Variants in RIPOR2 observed in about 807,000 individuals in gnomAD.
RIPOR2 encodes rho family-interacting cell polarization regulator 2.
In RIPOR2, 39 loss-of-function variants were observed where a neutral mutation model predicts 114.5. The observed-to-expected ratio is 0.34, with a 90% CI of 0.26 to 0.44. RIPOR2 has a LOEUF of 0.44. Ranked by LOEUF, RIPOR2 falls within the 20% of genes least tolerant of loss-of-function variation. RIPOR2 has a pLI of 1.00. For synonymous variants in RIPOR2, 445 were observed against 484.4 expected (o/e 0.92, Z 1.07); for missense variants, 1,007 against 1,255.1 (o/e 0.80, Z 2.99).
chr6:24,927,269 C>T (rs2114132591), intron 1 of RIPOR2, among the ~76,000 whole-genome samples: 2 of 141,694 alleles, frequency 1.4e-5, no homozygotes, highest in Admixed American at 6.9e-5. Flanking sequence ...ACCACCACAG[C>T]TACAATCACC....
chr6:24,862,625 A>C lies in RIPOR2; in HGVS notation c.652-1589T>G, dbSNP rs112521616. On this transcript the variant is annotated intron_variant, in intron 7 of 21. Coordinates refer to ENST00000643898, the MANE Select transcript of RIPOR2 (RefSeq NM_001286445.3). ...GCCTTGAAAACAAAGCCTCAGTATT[A>C]TAAACCAATTTATTTCCTCAGAGTA... Among the ~76,000 whole-genome samples the C allele has an allele frequency of 4.0e-3, 613 of 152,362 alleles. 2 individuals are homozygous for C. Among genetic ancestry groups the C allele is most frequent in the African/African-American group, 0.013 (541 of 41,588 alleles).
At chr6:24,828,319 A>G (rs1202882249) in intron 17 of RIPOR2, 24 bp from the exon 18 acceptor site, 4 of 1,519,868 alleles carry the variant, frequency 2.6e-6, no homozygotes, top group Non-Finnish European at 3.5e-6. Flanking sequence ...AAAGACACAA[A>G]GCAGCTTTAG....
intron 11 of RIPOR2, 55 bp from the exon 12 acceptor site, chr6:24,848,209 A>G (rs76495921): frequency 6.3e-7 from 1 of 1,583,276 alleles, no homozygotes; most frequent in South Asian, 1.1e-5. Context: ...CCTATCATCA[A>G]CAGACCACAG....
chr6:24,842,924 C>T lies in RIPOR2; in HGVS notation c.1795G>A (p.Glu599Lys). The change falls in exon 13 of 22, where the codon GAG (glutamate) becomes AAG (lysine). Residue 599 changes from glutamate (E) to lysine (K), a missense_variant. Glu to Lys is a moderately conservative substitution (Grantham distance 56). Coordinates refer to ENST00000643898, the MANE Select transcript of RIPOR2 (RefSeq NM_001286445.3). ...GLLLALEPHKEQYKEFQDLNQ... is the reference protein window; with the variant it reads ...GLLLALEPHKKQYKEFQDLNQ... ...AGATCCTGAAACTCTTTATACTGCTCTTTATGTGGTTCTAATGCAAGTAAA... is the reference window on the plus strand; with the variant it reads ...AGATCCTGAAACTCTTTATACTGCTTTTTATGTGGTTCTAATGCAAGTAAA... 1.3e-6 allele frequency: 2 copies of T among 1,512,914 alleles called. No homozygotes were observed. Among genetic ancestry groups the T allele is most frequent in the Non-Finnish European group, 1.8e-6 (2 of 1,131,144 alleles). The allele number at this position is 1,512,914 out of a possible 1,614,324, so 93.7% of individuals were successfully genotyped here.
At position 24,970,124 on chromosome 6, in the gene RIPOR2, G is replaced by A. The variant is rs372848805; in HGVS notation, c.76+71727C>T. On this transcript the variant is annotated intron_variant, in intron 1 of 13. Transcript: ENST00000510784. Reference sequence around the variant, plus strand: ...GAAGGAAAGAGACCTTCAGGGCTGAGCACCTCATGGAAGTTGGAGGGGGAA... The same window carrying A: ...GAAGGAAAGAGACCTTCAGGGCTGAACACCTCATGGAAGTTGGAGGGGGAA... 9.3e-5 allele frequency among the ~76,000 whole-genome samples: 14 copies of A among 149,772 alleles called. No individual in the cohort carries two copies. In the South Asian group the frequency reaches 2.6e-3, roughly 28 times the overall value.
At chr6:24,832,838 G>T (rs551262753) in intron 15 of RIPOR2, among the ~76,000 whole-genome samples, 1 of 152,308 alleles carries the variant, frequency 6.6e-6, no homozygotes, top group South Asian at 2.1e-4. Context: ...ATAATAATGA[G>T]AATTACAATC....
intron 15 of RIPOR2, among the ~76,000 whole-genome samples, chr6:24,834,085 G>GA (rs61555802): frequency 0.041 from 5,819 of 143,272 alleles, 276 homozygotes; most frequent in African/African-American, 0.12. Context: ...GTTTTGATCA[G>GA]AAAAAAAAAA....
intron 1 of RIPOR2, chr6:24,911,046 G>A: frequency 2.2e-6 from 2 of 929,262 alleles, no homozygotes; most frequent in East Asian, 1.2e-4. Context: ...CGGCGCGCGG[G>A]GTGAAGTTGC....
rs1334328266 is a variant in RIPOR2, at chr6:25,037,742, G to A, written c.76+4109C>T. Among the ~76,000 whole-genome samples, 1 of 152,086 alleles carries A rather than the reference G, an allele frequency of 6.6e-6. No individual in the cohort carries two copies. Among genetic ancestry groups the A allele is most frequent in the Admixed American group, 6.6e-5 (1 of 15,266 alleles). ...AAAGGAAGAAGTGAGGAAGGCTTAG[G>A]GAAGATGAACTTTGGGATCCATTGC... On this transcript the variant is annotated intron_variant, in intron 1 of 13. Transcript: ENST00000510784. The surrounding 1 kb of genome is among the most constrained non-coding windows in gnomAD (Gnocchi z 4.5).
intron 7 of RIPOR2, among the ~76,000 whole-genome samples, chr6:24,862,537 A>G (rs547847700): frequency 6.3e-4 from 96 of 152,312 alleles, no homozygotes; most frequent in Non-Finnish European, 1.2e-3. Context: ...AATTCTCACT[A>G]CCTGAACTAG....
At chr6:24,892,687 T>A (rs963641629) in intron 1 of RIPOR2, among the ~76,000 whole-genome samples, 5 of 152,182 alleles carry the variant, frequency 3.3e-5, no homozygotes, top group African/African-American at 1.2e-4. Context: ...CAACAGATCT[T>A]CTCTGGAAAG....
intron 18 of RIPOR2, among the ~76,000 whole-genome samples, chr6:24,827,501 T>A (rs898610398): frequency 2.6e-5 from 4 of 152,226 alleles, no homozygotes; most frequent in African/African-American, 7.2e-5. Flanking sequence ...GCTCTGTGGA[T>A]TTATAAAGCA....
rs1761902297 is a variant in RIPOR2 at position 24,843,202 on chromosome 6, C to G, written c.1517G>C (p.Gly506Ala). The change falls in exon 13 of 22, where the codon GGG becomes GCG. Residue 506 changes from glycine to alanine, a missense_variant. By Grantham distance (60) the Gly-to-Ala change is moderately conservative. Transcript: ENST00000643898. ...EACRRQSSGAGAEHLFLENDV... is the reference protein window; with the variant it reads ...EACRRQSSGAAAEHLFLENDV... ...ATTCTCAAGGAACAGGTGCTCAGCC[C>G]CAGCACCTGAGGACTGTCGGCGGCA... is the stretch of plus-strand genomic sequence containing the variant. 1.2e-6 allele frequency: 2 copies of G among 1,613,824 alleles called. No individual in the cohort carries two copies. Among genetic ancestry groups the G allele is most frequent in the Non-Finnish European group, 1.7e-6 (2 of 1,179,858 alleles).
chr6:24,926,696 T>G (rs62402043), intron 1 of RIPOR2, among the ~76,000 whole-genome samples: 1 of 152,092 alleles, frequency 6.6e-6, no homozygotes, highest in Non-Finnish European at 1.5e-5. Context: ...TTGTATAGAC[T>G]TGGGGGGCTG....
chr6:25,012,327 G>C (rs2113681192), intron 1 of RIPOR2, among the ~76,000 whole-genome samples: 1 of 152,304 alleles, frequency 6.6e-6, no homozygotes, highest in Middle Eastern at 3.4e-3. Context: ...AGTTCTTCCA[G>C]AAGTTAAATA....
intron 1 of RIPOR2, among the ~76,000 whole-genome samples, chr6:25,003,384 CATTATTATTATTATTATT>C (rs57985459): frequency 1.4e-5 from 2 of 143,866 alleles, no homozygotes; most frequent in Admixed American, 7.0e-5. Context: ...AGAATTAACA[CATTATTATTATTATTATT>C]ATTATTATTA....
At chr6:24,946,861 A>G (rs978861532) in intron 1 of RIPOR2, among the ~76,000 whole-genome samples, 1 of 152,374 alleles carries the variant, frequency 6.6e-6, no homozygotes, top group Middle Eastern at 3.4e-3. Context: ...ACAAGGATTT[A>G]GAATTCAGGA....
chr6:24,923,434 T>A (rs925527071), intron 1 of RIPOR2, among the ~76,000 whole-genome samples: 6 of 152,328 alleles, frequency 3.9e-5, no homozygotes, highest in African/African-American at 1.2e-4. Flanking sequence ...TAATTTTTTT[T>A]AGGAACTGCC....
chr6:24,994,966 G>C (rs971789952), intron 1 of RIPOR2, among the ~76,000 whole-genome samples: 2 of 152,196 alleles, frequency 1.3e-5, no homozygotes, highest in Admixed American at 6.5e-5. Flanking sequence ...TATGGCCCCA[G>C]TGTCTGTGGC....
Sources: gnomAD v4.1 joint callset for allele counts (sites outside exome capture counted in the v4.1 genomes callset) on GRCh38, gnomAD v4.1.1 for gene constraint, Gnocchi (gnomAD v3.1) non-coding constraint, MANE v1.5 for transcripts, NCBI Gene and HGNC (gene_info 2026-07-23, HGNC 2026-07-21) for gene names.